The following PTER variants were observed in gnomAD, a reference collection of about 807,000 sequenced individuals.
The protein encoded by PTER is phosphotriesterase related, also known as N-acetyltaurine hydrolase.
Under a neutral mutation model 29.6 loss-of-function variants are expected in PTER, and 38 were observed. That is an observed-to-expected ratio of 1.28 (90% CI 0.99 to 1.68). The LOEUF (loss-of-function observed/expected upper bound fraction) is 1.68, where lower values mean the gene tolerates loss of function less well. Ranked by LOEUF, PTER falls within the 40% of genes most tolerant of loss-of-function variation. The probability of loss-of-function intolerance (pLI) is 0.00; values close to 1 mark genes in which losing one functional copy is unlikely to be tolerated. For synonymous variants in PTER, 172 were observed against 154.5 expected (o/e 1.11, Z -0.84); for missense variants, 482 against 427.8 (o/e 1.13, Z -1.12).
Position 16,496,492 on chromosome 10 carries a change from T to C in PTER, c.699-8528T>C, listed in dbSNP as rs531265465. Among the ~76,000 whole-genome samples, 146 of 152,334 alleles carry C rather than the reference T, an allele frequency of 9.6e-4. 1 individual carries two copies. The highest frequency in any genetic ancestry group is 3.2e-3 in the African/African-American group (135 of 41,584). ...CACATGCTATTCTCTCTGCTAGGAA[T>C]GTTCTATTTCCCCTTATCTATTTAG... On this transcript the variant is annotated intron_variant, in intron 3 of 4. Transcript: ENST00000535784.
chr10:16,495,100 G>C (rs928164768), intron 3 of PTER, among the ~76,000 whole-genome samples: 12 of 150,724 alleles, frequency 8.0e-5, no homozygotes, highest in African/African-American at 2.7e-4. Flanking sequence ...CCACATAGCT[G>C]TACAAATATT....
downstream of PTER, among the ~76,000 whole-genome samples, chr10:16,517,587 GTTGAACTT>G (rs1453441950): frequency 1.5e-4 from 23 of 152,090 alleles, no homozygotes; most frequent in African/African-American, 5.6e-4. Flanking sequence ...AGCTATTTGA[GTTGAACTT>G]TTACCTTTAA....
chr10:16,464,328 A>G (rs751557955), intron 1 of PTER, among the ~76,000 whole-genome samples: 1 of 152,230 alleles, frequency 6.6e-6, no homozygotes, highest in Non-Finnish European at 1.5e-5. Context: ...TTTCCTGTCA[A>G]TAAACACAAT....
intron 4 of PTER, among the ~76,000 whole-genome samples, chr10:16,508,070 CTTTTTTTTTTT>C (rs56800279): frequency 8.6e-5 from 11 of 127,860 alleles, no homozygotes; most frequent in African/African-American, 3.1e-4. Flanking sequence ...TTTTCTTTTT[CTTTTTTTTTTT>C]TTTTTGAGAT....
In PTER at chr10:16,513,348, A is replaced by T. The variant is rs1213134673; in HGVS notation, c.*2092A>T. 4 of 152,498 alleles carry T rather than the reference A, an allele frequency of 2.6e-5. No individual in the cohort carries two copies. 9.4% of individuals were successfully genotyped at this position (152,498 alleles called of 1,614,324 possible). A position where few individuals can be genotyped will look rare whatever the true frequency, so the allele number is the denominator to read the frequency against. On this transcript the variant is annotated 3_prime_UTR_variant, in exon 5 of 5. Coordinates refer to ENST00000535784, the MANE Select transcript of PTER (RefSeq NM_001261836.2). ...ATATATGCATACACTTTTTTATATT[A>T]AAATTTTGAGGCTATACAGCCACTG...
At chr10:16,464,552 C>T (rs1256275551) in intron 1 of PTER, among the ~76,000 whole-genome samples, 3 of 152,194 alleles carry the variant, frequency 2.0e-5, no homozygotes, top group Non-Finnish European at 4.4e-5. Context: ...TAATGATCGC[C>T]CTTATGTAGT....
chr10:16,483,971 C>G (rs1419903941), intron 1 of PTER, among the ~76,000 whole-genome samples: 1 of 151,956 alleles, frequency 6.6e-6, no homozygotes, highest in Non-Finnish European at 1.5e-5. Context: ...ATTCTGAATA[C>G]TTTTTTTTAA....
chr10:16,477,294 AGATAGATG>A (rs1442273280), intron 1 of PTER, among the ~76,000 whole-genome samples: 2 of 134,054 alleles, frequency 1.5e-5, no homozygotes, highest in African/African-American at 3.1e-5. Context: ...ATAGATAGAT[AGATAGATG>A]GATGTCTGTC....
chr10:16,505,119 C>A lies in PTER; in HGVS notation c.798C>A (p.Gly266=). The A allele has an allele frequency of 6.2e-7, 1 of 1,613,874 alleles. No individual in the cohort carries two copies. The highest frequency in any genetic ancestry group is 1.1e-5 in the South Asian group (1 of 91,052). Residue 266 remains glycine (G), a synonymous_variant, in exon 4 of 5, where the codon GGC becomes GGA. Transcript: ENST00000535784. The part of the protein sequence containing the change: ...FGTELLHYQL[G]PDIDMPDDNK... Reference sequence around the variant, plus strand: ...CTGAACTACTTCATTACCAACTCGGCCCAGATATTGACATGCCTGATGATA... The same window carrying A: ...CTGAACTACTTCATTACCAACTCGGACCAGATATTGACATGCCTGATGATA...
chr10:16,462,112 A>T (rs1039313938), intron 1 of PTER, among the ~76,000 whole-genome samples: 10 of 151,930 alleles, frequency 6.6e-5, no homozygotes, highest in South Asian at 6.3e-4. Context: ...CAGCCCCCCA[A>T]GTACCTGGAA....
In PTER at chr10:16,505,015, T is replaced by G. The variant is rs760626006; in HGVS notation, c.699-5T>G. The G allele has an allele frequency of 4.3e-6, 7 of 1,613,800 alleles. No homozygotes were observed. The highest frequency in any genetic ancestry group is 5.9e-6 in the Non-Finnish European group (7 of 1,179,814). On this transcript the variant is annotated splice_polypyrimidine_tract_variant and splice_region_variant and intron_variant, in intron 3 of 4. Coordinates refer to ENST00000535784, the MANE Select transcript of PTER (RefSeq NM_001261836.2). ...ATAACAGTTCATCTGTCGCATTGTT[T>G]CTAGGACTATTCTTGATAAGAAAGA...
At chr10:16,480,805 C>T (rs1212694177) in intron 1 of PTER, among the ~76,000 whole-genome samples, 5 of 152,178 alleles carry the variant, frequency 3.3e-5, no homozygotes, top group African/African-American at 9.7e-5. Flanking sequence ...CCCAAACTAC[C>T]GTCCTGCACA....
At chr10:16,450,705 G>C (rs1382022158) in intron 1 of PTER, among the ~76,000 whole-genome samples, 3 of 149,868 alleles carry the variant, frequency 2.0e-5, no homozygotes, top group African/African-American at 7.2e-5. Context: ...CTCAGTATGT[G>C]CTTCTGGAGC....
At chr10:16,480,885 A>C (rs1007118299) in intron 1 of PTER, among the ~76,000 whole-genome samples, 2 of 152,260 alleles carry the variant, frequency 1.3e-5, no homozygotes, top group Non-Finnish European at 2.9e-5. Context: ...ATGGTTTTAG[A>C]ATACACATAT....
intron 1 of PTER, among the ~76,000 whole-genome samples, chr10:16,465,736 C>T (rs1834785891): frequency 6.6e-6 from 1 of 152,068 alleles, no homozygotes; most frequent in Non-Finnish European, 1.5e-5. Context: ...AGATACTACC[C>T]AAGTCTGGGT....
chr10:16,482,403 G>A (rs1173484451), intron 1 of PTER, among the ~76,000 whole-genome samples: 4 of 152,094 alleles, frequency 2.6e-5, no homozygotes, highest in Admixed American at 1.3e-4. Context: ...TAGGATATAC[G>A]TGAATAGTTC....
chr10:16,491,254 G>A lies in PTER; in HGVS notation c.698+4637G>A, dbSNP rs11815606. Among the ~76,000 whole-genome samples, 1,169 of 152,282 alleles carry A rather than the reference G, an allele frequency of 7.7e-3. 17 individuals are homozygous for A. Among genetic ancestry groups the A allele is most frequent in the African/African-American group, 0.027 (1,123 of 41,550 alleles). ...ACATGAAAGTATGAGCATTTCAGAA[G>A]GGAGGCAGCTAGGGAACATGGCTTT... On this transcript the variant is annotated intron_variant, in intron 3 of 4. Coordinates refer to ENST00000535784, the MANE Select transcript of PTER (RefSeq NM_001261836.2).
At chr10:16,475,733 A>G (rs991006266) in intron 1 of PTER, among the ~76,000 whole-genome samples, 1 of 152,076 alleles carries the variant, frequency 6.6e-6, no homozygotes. Context: ...GATAATGAGG[A>G]CCTCCTGTAG....
chr10:16,511,497 A>G lies in PTER; in HGVS notation c.*241A>G, dbSNP rs1210618710. ...TAACAAAATAAATACAGAAGTACCTATTTCTAAACAATGATTTAAAGTCTA... is the reference window on the plus strand; with the variant it reads ...TAACAAAATAAATACAGAAGTACCTGTTTCTAAACAATGATTTAAAGTCTA... On this transcript the variant is annotated 3_prime_UTR_variant, in exon 5 of 5. Coordinates refer to ENST00000535784, the MANE Select transcript of PTER (RefSeq NM_001261836.2). 2.0e-6 allele frequency: 1 copy of G among 499,476 alleles called. No homozygotes were observed. Among genetic ancestry groups the G allele is most frequent in the African/African-American group, 1.9e-5 (1 of 52,626 alleles). 30.9% of individuals were successfully genotyped at this position (499,476 alleles called of 1,614,324 possible). A position where few individuals can be genotyped will look rare whatever the true frequency, so the allele number is the denominator to read the frequency against.
Sources: gnomAD v4.1 joint callset for allele counts (sites outside exome capture counted in the v4.1 genomes callset) on GRCh38, gnomAD v4.1.1 for gene constraint, MANE v1.5 for transcripts, NCBI Gene and HGNC (gene_info 2026-07-23, HGNC 2026-07-21) for gene names.